The following ARFGAP2 variants were observed in gnomAD, a reference collection of about 807,000 sequenced individuals.
ARFGAP2 encodes the protein ARF GTPase activating protein 2.
A neutral mutation model predicts 71.9 loss-of-function variants in ARFGAP2; 45 were observed. The ratio of observed to expected loss-of-function variants is 0.63; its 90% CI spans 0.49 to 0.80. The LOEUF (loss-of-function observed/expected upper bound fraction) is 0.80, where lower values mean the gene tolerates loss of function less well. Ranked by LOEUF, ARFGAP2 falls within the 30% of genes least tolerant of loss-of-function variation. ARFGAP2 has a pLI of 0.00. For synonymous variants in ARFGAP2, 248 were observed against 249.2 expected (o/e 1.00, Z 0.05); for missense variants, 633 against 673.9 (o/e 0.94, Z 0.67).
At position 47,172,349 on chromosome 11, in the gene ARFGAP2, G is replaced by A; in HGVS notation, c.620-16C>T. 1 of 1,614,112 alleles carries A rather than the reference G, an allele frequency of 6.2e-7. No individual in the cohort carries two copies. Among genetic ancestry groups the A allele is most frequent in the Middle Eastern group, 1.6e-4 (1 of 6,062 alleles). The stretch of plus-strand genomic sequence containing the variant: ...CTTTTCAGTTCTGCGTGAGAAACGG[G>A]TAGGCATGAGCTAAGACAAAGGCAG... On this transcript the variant is annotated splice_polypyrimidine_tract_variant and intron_variant, in intron 7 of 15. Coordinates refer to ENST00000524782, the MANE Select transcript of ARFGAP2 (RefSeq NM_032389.6).
rs764678983 is a variant in ARFGAP2, at chr11:47,165,519, A to AG, written c.1546-18dup. On this transcript the variant is annotated splice_polypyrimidine_tract_variant and intron_variant, in intron 15 of 15. Transcript: ENST00000524782. ...GTAGCGATCCTGGGGGCGAGGGGGG[A>AG]GAAAAAAAAAAAAAAAGTCAGAGGC... The AG allele has an allele frequency of 1.8e-4, 264 of 1,499,486 alleles. No homozygotes were observed. The African/African-American group carries it at 2.4e-3, about 13-fold the overall frequency. The allele number at this position is 1,499,486 out of a possible 1,614,324, so 92.9% of individuals were successfully genotyped here. A position where few individuals can be genotyped will look rare whatever the true frequency, so the allele number is the denominator to read the frequency against.
At chr11:47,175,954 G>A (rs761354634) in intron 2 of ARFGAP2, 31 bp from the exon 3 acceptor site, 1 of 1,609,782 alleles carries the variant, frequency 6.2e-7, no homozygotes, top group South Asian at 1.1e-5. Context: ...TCACCCACTA[G>A]CAGATACCAG....
rs1447145286 is a variant in ARFGAP2 at position 47,165,515 on chromosome 11, G to C, written c.1546-13C>G. The stretch of plus-strand genomic sequence containing the variant: ...AACCGTAGCGATCCTGGGGGCGAGG[G>C]GGGAGAAAAAAAAAAAAAAAGTCAG... On this transcript the variant is annotated splice_polypyrimidine_tract_variant and intron_variant, in intron 15 of 15. Coordinates refer to ENST00000524782, the MANE Select transcript of ARFGAP2 (RefSeq NM_032389.6). The C allele has an allele frequency of 6.5e-7, 1 of 1,534,142 alleles. No homozygotes were observed. The highest frequency in any genetic ancestry group is 8.7e-7 in the Non-Finnish European group (1 of 1,147,826).
At chr11:47,175,823 A>G in intron 3 of ARFGAP2, 28 bp downstream of exon 3, 1 of 1,613,874 alleles carries the variant, frequency 6.2e-7, no homozygotes, top group Non-Finnish European at 8.5e-7. Context: ...AGAAGAATGG[A>G]AGGTGAGGGA....
Position 47,166,340 on chromosome 11 carries a change from C to A in ARFGAP2, c.1473G>T (p.Gln491His). The change falls in exon 15 of 16, where the codon CAG becomes CAT. Residue 491 changes from glutamine to histidine, a missense_variant. Coordinates refer to ENST00000524782, the MANE Select transcript of ARFGAP2 (RefSeq NM_032389.6). ...CCACAGACTTGACACCCTGCTTAAA[C>A]TGGGCAATGTCCGCTGTAGGCAGCA... ...GNVLPTADIA[Q>H]FKQGVKSVAG... 6.2e-7 allele frequency: 1 copy of A among 1,614,264 alleles called. No individual in the cohort carries two copies. The highest frequency in any genetic ancestry group is 8.5e-7 in the Non-Finnish European group (1 of 1,180,054).
chr11:47,176,081 TCTCCTCTTCGTTCATTTA>T (rs1359628863), intron 2 of ARFGAP2, 158 bp from the exon 3 acceptor site: 3 of 680,834 alleles, frequency 4.4e-6, no homozygotes, highest in Non-Finnish European at 7.6e-6. Context: ...CCATGAAAAC[TCTCCTCTTCGTTCATTTA>T]CTCCAAAGAG....
intron 5 of ARFGAP2, 88 bp from the exon 6 acceptor site, chr11:47,173,928 A>G (rs1222994385): frequency 6.5e-7 from 1 of 1,541,766 alleles, no homozygotes; most frequent in South Asian, 1.2e-5. Flanking sequence ...TGTGGACAAG[A>G]AATCATACTC....
At chr11:47,167,004 GTCTGTGGC>G (rs1952411692) in intron 12 of ARFGAP2, 118 bp from the exon 13 acceptor site, 8 of 1,328,686 alleles carry the variant, frequency 6.0e-6, no homozygotes, top group South Asian at 4.2e-5. Flanking sequence ...GTCCCATTCT[GTCTGTGGC>G]TCTGTGGCTC....
At chr11:47,174,945 C>A in intron 5 of ARFGAP2, 70 bp downstream of exon 5, 1 of 1,507,618 alleles carries the variant, frequency 6.6e-7, no homozygotes, top group Non-Finnish European at 9.2e-7. Flanking sequence ...ACCATGATCA[C>A]AGAAGGCCTG....
rs759911231 is a variant in ARFGAP2 at position 47,164,334 on chromosome 11, G to A, written c.*1148C>T. 3 of 1,420,444 alleles carry A rather than the reference G, an allele frequency of 2.1e-6. No individual in the cohort carries two copies. The highest frequency in any genetic ancestry group is 5.4e-5 in the Admixed American group (2 of 36,946). The allele number at this position is 1,420,444 out of a possible 1,614,324, so 88.0% of individuals were successfully genotyped here. A position where few individuals can be genotyped will look rare whatever the true frequency, so the allele number is the denominator to read the frequency against. On this transcript the variant is annotated 3_prime_UTR_variant, in exon 16 of 16. Coordinates refer to ENST00000524782, the MANE Select transcript of ARFGAP2 (RefSeq NM_032389.6). ...GACCAACAGGGAGCCAGGCCCTGCA[G>A]GGGCTTTATTTTGACACCACTTTGT...
chr11:47,176,026 G>A (rs1446616272), intron 2 of ARFGAP2, 103 bp from the exon 3 acceptor site: 3 of 1,164,862 alleles, frequency 2.6e-6, no homozygotes, highest in Non-Finnish European at 3.8e-6. Flanking sequence ...AGGCACCCAG[G>A]AAACATTAAT....
At chr11:47,171,303 G>A (rs1952588941) in intron 10 of ARFGAP2, 123 bp downstream of exon 10, 1 of 1,461,212 alleles carries the variant, frequency 6.8e-7, no homozygotes, top group Non-Finnish European at 9.3e-7. Context: ...AGAACAATAA[G>A]CCAAGTGATC....
intron 15 of ARFGAP2, 111 bp from the exon 16 acceptor site, chr11:47,165,613 C>G (rs531776425): frequency 7.9e-7 from 1 of 1,264,618 alleles, no homozygotes; most frequent in African/African-American, 1.6e-5. Context: ...ACTGGGGAGG[C>G]AGGGGCTGGA....
At chr11:47,174,155 T>C (rs559396510) in intron 5 of ARFGAP2, among the ~76,000 whole-genome samples, 1 of 152,274 alleles carries the variant, frequency 6.6e-6, no homozygotes, top group Non-Finnish European at 1.5e-5. Flanking sequence ...TAATTATCAC[T>C]ACAACCCCTA....
intron 15 of ARFGAP2, 104 bp from the exon 16 acceptor site, chr11:47,165,606 G>C: frequency 1.6e-6 from 2 of 1,284,804 alleles, no homozygotes; most frequent in Admixed American, 4.9e-5. Flanking sequence ...CAGCAAGACT[G>C]GGGAGGCAGG....
chr11:47,174,094 C>T, intron 5 of ARFGAP2: 1 of 585,274 alleles, frequency 1.7e-6, no homozygotes, highest in Non-Finnish European at 3.0e-6. Flanking sequence ...CAGTTAACTA[C>T]CACCACCTAG....
chr11:47,165,988 C>A (rs1214591464), intron 15 of ARFGAP2, among the ~76,000 whole-genome samples: 1 of 152,160 alleles, frequency 6.6e-6, no homozygotes, highest in Admixed American at 6.5e-5. Context: ...GCCTCAGCAT[C>A]CCGAGTAGCG....
At position 47,175,317 on chromosome 11, in the gene ARFGAP2, G is replaced by A. The variant is rs758732000; in HGVS notation, c.265-4C>T. ...CATGTTGGCGAAAAAAAGCCGTCTG[G>A]AGAGCAAAGAAGAGAGCAGCGCGTG... On this transcript the variant is annotated splice_region_variant and splice_polypyrimidine_tract_variant and intron_variant, in intron 3 of 15. Coordinates refer to ENST00000524782, the MANE Select transcript of ARFGAP2 (RefSeq NM_032389.6). The A allele has an allele frequency of 6.2e-7, 1 of 1,614,088 alleles. No homozygotes were observed. The highest frequency in any genetic ancestry group is 8.5e-7 in the Non-Finnish European group (1 of 1,180,016).
chr11:47,166,942 G>C, intron 12 of ARFGAP2, 56 bp from the exon 13 acceptor site: 3 of 1,580,956 alleles, frequency 1.9e-6, no homozygotes, highest in Non-Finnish European at 2.6e-6. Context: ...AGGGGAGGCA[G>C]AGTACAGAGG....
Sources: gnomAD v4.1 joint callset for allele counts (sites outside exome capture counted in the v4.1 genomes callset) on GRCh38, gnomAD v4.1.1 for gene constraint, MANE v1.5 for transcripts, NCBI Gene and HGNC (gene_info 2026-07-23, HGNC 2026-07-21) for gene names.